The following TEX12 variants were observed in gnomAD, a reference collection of about 807,000 sequenced individuals.
TEX12 encodes the protein testis-expressed protein 12.
In TEX12, 7 loss-of-function variants were observed where a neutral mutation model predicts 14.6. The ratio of observed to expected loss-of-function variants is 0.48; its 90% confidence interval spans 0.27 to 0.90. TEX12 has a LOEUF of 0.90. Among genes scored for constraint, TEX12 ranks in the 40% least tolerant of loss-of-function variants. The pLI is 0.12. For missense variants in TEX12, 121 were observed against 135.7 expected, an observed-to-expected ratio of 0.89 and a Z score of 0.54; for synonymous variants, 57 against 49.1, an observed-to-expected ratio of 1.16 and a Z score of -0.67.
At chr11:112,170,299 C>G in intron 2 of TEX12, 120 bp from the exon 3 acceptor site, 1 of 641,092 alleles carries the variant, frequency 1.6e-6, no homozygotes, top group Non-Finnish European at 2.6e-6. Flanking sequence ...AAGTCATATG[C>G]TTTCTAGCAT....
intron 2 of TEX12, among the ~76,000 whole-genome samples, chr11:112,170,160 C>T (rs1010627807): frequency 1.3e-5 from 2 of 151,948 alleles, no homozygotes; most frequent in South Asian, 2.1e-4. Context: ...GGTGACAGAG[C>T]GAGAACTTGT....
At chr11:112,169,098 A>G (rs1427795300) in intron 1 of TEX12, 155 bp from the exon 2 acceptor site, 1 of 644,622 alleles carries the variant, frequency 1.6e-6, no homozygotes, top group Non-Finnish European at 2.8e-6. Flanking sequence ...AGTTGATAGA[A>G]TGATTTAGAG....
chr11:112,170,824 T>C (rs1354548012), intron 4 of TEX12, 150 bp downstream of exon 4: 1 of 592,142 alleles, frequency 1.7e-6, no homozygotes, highest in East Asian at 2.8e-5. Context: ...TATAATAGAT[T>C]AGTTGGTTAT....
At chr11:112,168,623 C>T (rs953915478) in intron 1 of TEX12, among the ~76,000 whole-genome samples, 3 of 151,896 alleles carry the variant, frequency 2.0e-5, no homozygotes, top group Non-Finnish European at 2.9e-5. Context: ...ACAATCTCGG[C>T]TCACTGCAAC....
rs747957389 is a variant in TEX12 at position 112,169,258 on chromosome 11, G to A, written c.-11G>A. ...CATTGTTCTAAGCTTTGTAGCTGGT[G>A]CCTTCGGAATATGATGGCAAATCAC... On this transcript the variant is annotated 5_prime_UTR_variant, in exon 2 of 5. Coordinates refer to ENST00000280358, the MANE Select transcript of TEX12 (RefSeq NM_031275.4). The A allele has an allele frequency of 2.5e-6, 4 of 1,612,316 alleles. No homozygotes were observed. Among genetic ancestry groups the A allele is most frequent in the African/African-American group, 1.3e-5 (1 of 74,894 alleles).
At chr11:112,168,226 A>G (rs1054938726) in intron 1 of TEX12, among the ~76,000 whole-genome samples, 10 of 152,268 alleles carry the variant, frequency 6.6e-5, no homozygotes, top group African/African-American at 2.2e-4. Flanking sequence ...AACAAAGTCA[A>G]TTGATAACTT....
At chr11:112,170,316 C>A in intron 2 of TEX12, 103 bp from the exon 3 acceptor site, 1 of 795,880 alleles carries the variant, frequency 1.3e-6, no homozygotes, top group Non-Finnish European at 2.0e-6. Context: ...GCATGTTTGC[C>A]TTTTTCTGAA....
intron 4 of TEX12, among the ~76,000 whole-genome samples, chr11:112,171,306 G>T (rs1866787594): frequency 6.6e-6 from 1 of 152,028 alleles, no homozygotes; most frequent in African/African-American, 2.4e-5. Flanking sequence ...TAAGGGACTT[G>T]AATATCTATG....
At chr11:112,170,252 C>T (rs555597530) in intron 2 of TEX12, 167 bp from the exon 3 acceptor site, 1 of 498,714 alleles carries the variant, frequency 2.0e-6, no homozygotes, top group African/African-American at 2.0e-5. Context: ...GTTTCTTGGG[C>T]CTGTAAATTT....
intron 1 of TEX12, among the ~76,000 whole-genome samples, chr11:112,168,954 G>C (rs1030435345): frequency 6.6e-6 from 1 of 152,192 alleles, no homozygotes; most frequent in African/African-American, 2.4e-5. Context: ...AAAATGATGG[G>C]ACTAGTAGGC....
intron 2 of TEX12, among the ~76,000 whole-genome samples, chr11:112,169,675 A>G (rs1866768349): frequency 1.3e-5 from 2 of 152,186 alleles, no homozygotes; most frequent in Non-Finnish European, 2.9e-5. Context: ...AGAGCACAGT[A>G]TCCTGTCTTT....
At chr11:112,171,030 A>G (rs1476621008) in intron 4 of TEX12, among the ~76,000 whole-genome samples, 2 of 152,130 alleles carry the variant, frequency 1.3e-5, no homozygotes, top group African/African-American at 4.8e-5. Context: ...TATTTATGTC[A>G]TAGAGAGTCA....
chr11:112,171,712 A>G, intron 4 of TEX12, 60 bp from the exon 5 acceptor site: 4 of 1,056,638 alleles, frequency 3.8e-6, no homozygotes, highest in Non-Finnish European at 5.1e-6. Context: ...GTAATGAAGA[A>G]CAACATAATG....
intron 2 of TEX12, 107 bp downstream of exon 2, chr11:112,169,438 G>A (rs970426381): frequency 7.2e-6 from 6 of 828,960 alleles, no homozygotes; most frequent in Middle Eastern, 3.3e-4. Context: ...TAATGTATTC[G>A]TATGCCCAGA....
intron 4 of TEX12, among the ~76,000 whole-genome samples, 200 bp downstream of exon 4, chr11:112,170,874 T>C (rs11214107): frequency 0.12 from 18,113 of 152,168 alleles, 1,373 homozygotes; most frequent in East Asian, 0.39. Flanking sequence ...AAAAATCCTT[T>C]CTTTTTTACT....
chr11:112,171,926 T>G lies in TEX12; in HGVS notation c.*10T>G. 1 of 1,456,840 alleles carries G rather than the reference T, an allele frequency of 6.9e-7. No homozygotes were observed. Among genetic ancestry groups the G allele is most frequent in the Non-Finnish European group, 9.1e-7 (1 of 1,099,326 alleles). 90.2% of individuals were successfully genotyped at this position (1,456,840 alleles called of 1,614,324 possible). ...CACATTACACAGATAAAATATATAC[T>G]TGAAATAAGCTGAGAATTTAAACCT... On this transcript the variant is annotated 3_prime_UTR_variant, in exon 5 of 5. Transcript: ENST00000280358.
Position 112,170,659 on chromosome 11 carries a change from A to T in TEX12, c.212A>T (p.Tyr71Phe). 6.2e-7 allele frequency: 1 copy of T among 1,611,454 alleles called. No individual in the cohort carries two copies. Among genetic ancestry groups the T allele is most frequent in the Non-Finnish European group, 8.5e-7 (1 of 1,178,116 alleles). The change falls in exon 4 of 5, where the codon TAT (tyrosine) becomes TTT (phenylalanine). Residue 71 changes from tyrosine (Y) to phenylalanine (F), a missense_variant. Transcript: ENST00000280358. ...GAAATTAATCTAATGTTGTCTACCT[A>T]TGCAAAGCTTTTAAGGCAAGTACTT... The part of the protein sequence containing the change: ...SKEINLMLST[Y>F]AKLLSERAAV...
Position 112,172,388 on chromosome 11 carries a change from C to A in TEX12, c.*472C>A, listed in dbSNP as rs979883289. 11 of 151,852 alleles carry A rather than the reference C, an allele frequency of 7.2e-5. No individual in the cohort carries two copies. Among genetic ancestry groups the A allele is most frequent in the African/African-American group, 2.4e-4 (10 of 41,462 alleles). 9.4% of individuals were successfully genotyped at this position (151,852 alleles called of 1,614,324 possible). A position where few individuals can be genotyped will look rare whatever the true frequency, so the allele number is the denominator to read the frequency against. ...TCAGGATTATAAAAGAAGATTAAAA[C>A]CTTAGAGGTGATTTTTCCAGTTTCT... is the stretch of plus-strand genomic sequence containing the variant. On this transcript the variant is annotated 3_prime_UTR_variant, in exon 5 of 5. Coordinates refer to ENST00000280358, the MANE Select transcript of TEX12 (RefSeq NM_031275.4).
rs1240729609 is a variant in TEX12 at position 112,172,284 on chromosome 11, T to C, written c.*368T>C. 2 of 152,190 alleles carry C rather than the reference T, an allele frequency of 1.3e-5. No individual in the cohort carries two copies. The highest frequency in any genetic ancestry group is 4.8e-5 in the African/African-American group (2 of 41,458). 9.4% of individuals were successfully genotyped at this position (152,190 alleles called of 1,614,324 possible). ...AAAAGGATTCAGTTAATTTATAATGTTTAATAATATTATACTTTTAGAATA... is the reference window on the plus strand; with the variant it reads ...AAAAGGATTCAGTTAATTTATAATGCTTAATAATATTATACTTTTAGAATA... On this transcript the variant is annotated 3_prime_UTR_variant, in exon 5 of 5. Coordinates refer to ENST00000280358, the MANE Select transcript of TEX12 (RefSeq NM_031275.4).
Sources: gnomAD v4.1 joint callset for allele counts (sites outside exome capture counted in the v4.1 genomes callset) on GRCh38, gnomAD v4.1.1 for gene constraint, MANE v1.5 for transcripts, NCBI Gene and HGNC (gene_info 2026-07-23, HGNC 2026-07-21) for gene names.